SYNE1: variants seen among roughly 807,000 people sequenced by gnomAD.
The protein encoded by SYNE1 is nesprin-1.
SYNE1 carries 616 observed loss-of-function variants against 1,111.0 expected under a neutral mutation model. That is an observed-to-expected ratio of 0.55 (90% CI 0.52 to 0.59). SYNE1 has a LOEUF of 0.59. Ranked by LOEUF, SYNE1 falls within the 20% of genes least tolerant of loss-of-function variation. The pLI is 0.00. For synonymous variants in SYNE1, 3,855 were observed against 3,825.8 expected (o/e 1.01, Z -0.28); for missense variants, 10,006 against 10,417.0 (o/e 0.96, Z 1.72).
intron 39 of SYNE1, among the ~76,000 whole-genome samples, chr6:152,422,040 C>G (rs1022562191): frequency 1.4e-4 from 21 of 152,094 alleles, no homozygotes; most frequent in African/African-American, 4.8e-4. Context: ...CAAACTGAAG[C>G]TAGGCAACTA....
chr6:152,155,857 T>C (rs2061285885), intron 132 of SYNE1, 53 bp downstream of exon 132: 1 of 1,607,342 alleles, frequency 6.2e-7, no homozygotes, highest in Admixed American at 1.7e-5. Flanking sequence ...GGGTGATTTT[T>C]ATTTTCTTTT....
chr6:152,347,145 G>C lies in SYNE1; in HGVS notation c.11992C>G (p.Leu3998Val), dbSNP rs753297087. The change falls in exon 73 of 146, where the codon CTG becomes GTG. Residue 3998 changes from leucine (L) to valine (V), a missense_variant. By Grantham distance (32) the Leu-to-Val change is conservative. Around this residue, in one of 7 missense-constraint regions of SYNE1, gnomAD observed 4,955 missense variants for 5,017.2 expected, o/e 0.99. Coordinates refer to ENST00000367255, the MANE Select transcript of SYNE1 (RefSeq NM_182961.4). ...ACGTTTTGTTTAAGTTTCGCTTGCA[G>C]GTGGTCTGCACATTGGCCAATCAAA... ...DTLIGQCADH[L>V]QAKLKQNVHA... 1.2e-6 allele frequency: 2 copies of C among 1,614,170 alleles called. No individual in the cohort carries two copies. The highest frequency in any genetic ancestry group is 4.5e-5 in the East Asian group (2 of 44,882).
Position 152,352,021 on chromosome 6 carries a change from C to T in SYNE1, c.11580+6G>A, listed in dbSNP as rs772730311. On this transcript the variant is annotated splice_donor_region_variant and intron_variant, in intron 70 of 145. Transcript: ENST00000367255. The stretch of plus-strand genomic sequence containing the variant: ...GCATGCATCTGTCAATGAGTAAACA[C>T]ACTACCTTGTATTTAGATAACTGAG... 1.2e-6 allele frequency: 2 copies of T among 1,613,614 alleles called. No individual in the cohort carries two copies. The highest frequency in any genetic ancestry group is 1.7e-6 in the Non-Finnish European group (2 of 1,179,902).
chr6:152,196,013 C>G (rs1423089723), intron 127 of SYNE1, among the ~76,000 whole-genome samples: 2 of 152,206 alleles, frequency 1.3e-5, no homozygotes, highest in East Asian at 3.9e-4. Context: ...TCCACTCTTC[C>G]CTTCCCTGTC....
chr6:152,530,685 A>C (rs901674903), intron 4 of SYNE1, among the ~76,000 whole-genome samples: 3 of 150,712 alleles, frequency 2.0e-5, no homozygotes, highest in South Asian at 2.1e-4. Flanking sequence ...GCGGTGGCAC[A>C]ATCTCGGCTC....
chr6:152,239,374 C>G (rs897981256), intron 108 of SYNE1, among the ~76,000 whole-genome samples, 159 bp downstream of exon 108: 1 of 152,170 alleles, frequency 6.6e-6, no homozygotes, highest in Admixed American at 6.5e-5. Context: ...GGGGAATAAG[C>G]AACACAGAAC....
At chr6:152,206,939 G>C (rs944747262) in intron 125 of SYNE1, among the ~76,000 whole-genome samples, 3 of 152,314 alleles carry the variant, frequency 2.0e-5, no homozygotes, top group Non-Finnish European at 4.4e-5. Context: ...TATACTAAAA[G>C]TGACTGGGGT....
rs940821758 is a variant in SYNE1, at chr6:152,558,808, A to C, written c.68-18787T>G. Among the ~76,000 whole-genome samples, 137 of 152,106 alleles carry C rather than the reference A, an allele frequency of 9.0e-4. 1 individual carries two copies. The highest frequency in any genetic ancestry group is 1.3e-3 in the Non-Finnish European group (91 of 68,012). On this transcript the variant is annotated intron_variant, in intron 3 of 145. Transcript: ENST00000367255. ...CCTGACAGAAACTCAACAAGGAAAC[A>C]ATACATTTGAAGAACACTATAAACC...
chr6:152,255,222 C>T, intron 103 of SYNE1, 133 bp from the exon 104 acceptor site: 1 of 814,324 alleles, frequency 1.2e-6, no homozygotes. Flanking sequence ...ACAACTGGAA[C>T]CTCTTTCAAA....
Position 152,330,845 on chromosome 6 carries a change from C to G in SYNE1, c.13840G>C (p.Glu4614Gln), listed in dbSNP as rs1468426469. ...KYQNILEQSP[E>Q]YENLLLTLQR... ...AGCGTAAGTAGAAGATTTTCATATT[C>G]TGGAGATTGTTCAAGAATGTTTTGG... is the stretch of plus-strand genomic sequence containing the variant. The change falls in exon 78 of 146, where the codon GAA (glutamate) becomes CAA (glutamine). Residue 4614 changes from glutamate (E) to glutamine (Q), a missense_variant. By Grantham distance (29) the Glu-to-Gln change is conservative. Coordinates refer to ENST00000367255, the MANE Select transcript of SYNE1 (RefSeq NM_182961.4). 7 of 1,614,098 alleles carry G rather than the reference C, an allele frequency of 4.3e-6. No individual in the cohort carries two copies. The highest frequency in any genetic ancestry group is 5.9e-6 in the Non-Finnish European group (7 of 1,180,032).
intron 14 of SYNE1, among the ~76,000 whole-genome samples, chr6:152,479,693 T>C (rs1593548420): frequency 2.0e-5 from 3 of 152,224 alleles, no homozygotes; most frequent in African/African-American, 7.2e-5. Flanking sequence ...TAGTTGGCTA[T>C]GGTTATTGTT....
chr6:152,401,336 T>A lies in SYNE1; in HGVS notation c.6831A>T (p.Ile2277=), dbSNP rs1340792410. Residue 2277 remains isoleucine (I), a synonymous_variant, in exon 47 of 146, where the codon ATA becomes ATT. Coordinates refer to ENST00000367255, the MANE Select transcript of SYNE1 (RefSeq NM_182961.4). ...NLETPPDLQF[I]EADLMQKLEH... Reference sequence around the variant, plus strand: ...CCAGTTTCTGCATTAAGTCTGCTTCTATAAACTAAATATCAAGCAAGATTT... The same window carrying A: ...CCAGTTTCTGCATTAAGTCTGCTTCAATAAACTAAATATCAAGCAAGATTT... The A allele has an allele frequency of 6.2e-7, 1 of 1,613,354 alleles. No homozygotes were observed. The highest frequency in any genetic ancestry group is 1.3e-5 in the African/African-American group (1 of 74,936).
intron 9 of SYNE1, among the ~76,000 whole-genome samples, chr6:152,503,634 G>A (rs1044069076): frequency 2.6e-5 from 4 of 152,100 alleles, no homozygotes; most frequent in East Asian, 1.9e-4. Context: ...CTAATCTTTC[G>A]TAAAAGTTCT....
At chr6:152,494,961 A>G (rs1314901182) in intron 11 of SYNE1, among the ~76,000 whole-genome samples, 1 of 152,096 alleles carries the variant, frequency 6.6e-6, no homozygotes, top group East Asian at 1.9e-4. Flanking sequence ...GTTTCCACCT[A>G]TCAATCCCTC....
At position 152,416,986 on chromosome 6, in the gene SYNE1, C is replaced by CT; in HGVS notation, c.5450dup (p.Glu1819ArgfsTer19). 1 of 1,614,140 alleles carries CT rather than the reference C, an allele frequency of 6.2e-7. No homozygotes were observed. The highest frequency in any genetic ancestry group is 8.5e-7 in the Non-Finnish European group (1 of 1,180,032). On this transcript the variant is annotated frameshift_variant, in exon 41 of 146. Coordinates refer to ENST00000367255, the MANE Select transcript of SYNE1 (RefSeq NM_182961.4). LOFTEE classifies it high-confidence loss of function. ...GACCCTGCAGACTCTGCAATTCGCC[C>CT]TTTTTGCTCTCTACTTCTGCTGCGT...
Position 152,350,246 on chromosome 6 carries a change from C to T in SYNE1, c.11823G>A (p.Met3941Ile). The part of the protein sequence containing the change: ...LQEVEKWLLQ[M>I]SGRLVAPDLL... ...GGTCAGGTGCCACCAGTCTGCCAGA[C>T]ATCTGCAGCAGCCACTTTTCGACCT... The change falls in exon 72 of 146, where the codon ATG becomes ATA. Residue 3941 changes from methionine to isoleucine, a missense_variant. Physicochemically the swap from Met to Ile is conservative, Grantham distance 10. Around this residue, in one of 7 missense-constraint regions of SYNE1, gnomAD observed 4,955 missense variants for 5,017.2 expected, o/e 0.99. Coordinates refer to ENST00000367255, the MANE Select transcript of SYNE1 (RefSeq NM_182961.4). 2 of 1,614,190 alleles carry T rather than the reference C, an allele frequency of 1.2e-6. No individual in the cohort carries two copies. The highest frequency in any genetic ancestry group is 1.1e-5 in the South Asian group (1 of 91,084).
chr6:152,306,778 T>C (rs1055365227), intron 91 of SYNE1, among the ~76,000 whole-genome samples: 2 of 150,758 alleles, frequency 1.3e-5, no homozygotes, highest in Non-Finnish European at 1.5e-5. Flanking sequence ...TCCCAAATAC[T>C]TGGAGGCTGA....
rs2152705585 is a variant in SYNE1, at chr6:152,132,150, C to T, written c.26066G>A (p.Gly8689Glu). The T allele has an allele frequency of 6.2e-7, 1 of 1,614,140 alleles. No individual in the cohort carries two copies. Among genetic ancestry groups the T allele is most frequent in the Non-Finnish European group, 8.5e-7 (1 of 1,180,008 alleles). The change falls in exon 144 of 146, where the codon GGA becomes GAA. Residue 8689 changes from glycine (G) to glutamate (E), a missense_variant. This residue lies in a region of SYNE1 where 761 missense variants were observed against 795.5 expected (regional missense o/e 0.96). Transcript: ENST00000367255. The part of the protein sequence containing the change: ...DTSGSVSPTS[G>E]RSTPNRQKTP... ...TTTCTGTCTGTTTGGGGTGCTCCTT[C>T]CTGATGTGGGACTCACAGACCCTGA... is the stretch of plus-strand genomic sequence containing the variant.
chr6:152,134,979 G>T (rs2056720739), intron 142 of SYNE1, 125 bp downstream of exon 142: 1 of 1,326,168 alleles, frequency 7.5e-7, no homozygotes. Flanking sequence ...AAAGTGTAAA[G>T]TAGAGACTAT....
Sources: gnomAD v4.1 joint callset for allele counts (sites outside exome capture counted in the v4.1 genomes callset) on GRCh38, gnomAD v4.1.1 for gene constraint, gnomAD v4.1.1 regional missense constraint, MANE v1.5 for transcripts, NCBI Gene and HGNC (gene_info 2026-07-23, HGNC 2026-07-21) for gene names.